FER1L6: variants seen among roughly 807,000 people sequenced by gnomAD.
FER1L6 encodes the protein fer-1 like family member 6.
In FER1L6, 177 loss-of-function variants were observed where a neutral mutation model predicts 219.2. The observed-to-expected ratio is 0.81, with a 90% CI of 0.71 to 0.91. The LOEUF is 0.91. Among genes scored for constraint, FER1L6 ranks in the 40% least tolerant of loss-of-function variants. The pLI is 0.00. For missense variants in FER1L6, 2,153 were observed against 2,259.9 expected, an observed-to-expected ratio of 0.95 and a Z score of 0.96; for synonymous variants, 768 against 824.3, an observed-to-expected ratio of 0.93 and a Z score of 1.17.
chr8:124,060,850 C>A, intron 24 of FER1L6, 141 bp downstream of exon 24: 2 of 979,522 alleles, frequency 2.0e-6, no homozygotes, highest in Non-Finnish European at 2.9e-6. Context: ...ATAAAATAGA[C>A]TTTTGTTGTT....
rs1243271340 is a variant in FER1L6, at chr8:124,085,556, G to T, written c.4391+3098G>T. Among the ~76,000 whole-genome samples, 5 of 150,580 alleles carry T rather than the reference G, an allele frequency of 3.3e-5. No individual in the cohort carries two copies. The East Asian group carries it at 9.7e-4, about 29-fold the overall frequency. ...CCAAAATTCTCTTGTTATCGATTTT[G>T]AGTTTTATTCCATTGTGGCCAGAGA... On this transcript the variant is annotated intron_variant, in intron 33 of 40. Transcript: ENST00000522917.
chr8:123,918,344 G>T (rs907257856), intron 1 of FER1L6, among the ~76,000 whole-genome samples: 1 of 151,126 alleles, frequency 6.6e-6, no homozygotes, highest in Admixed American at 6.6e-5. Context: ...ATACATACTC[G>T]CACTGCATGA....
intron 32 of FER1L6, 81 bp from the exon 33 acceptor site, chr8:124,082,207 G>C (rs924130586): frequency 7.4e-6 from 8 of 1,081,576 alleles, no homozygotes; most frequent in East Asian, 4.8e-5. Flanking sequence ...TGAATAGCGG[G>C]CTAGCTAAAA....
intron 28 of FER1L6, among the ~76,000 whole-genome samples, 157 bp from the exon 29 acceptor site, chr8:124,069,203 T>C (rs1168207676): frequency 6.6e-6 from 1 of 152,220 alleles, no homozygotes; most frequent in Non-Finnish European, 1.5e-5. Flanking sequence ...CCCAAAGTGC[T>C]GGGATTACAG....
intron 31 of FER1L6, 127 bp from the exon 32 acceptor site, chr8:124,076,071 C>A: frequency 2.5e-6 from 3 of 1,193,140 alleles, no homozygotes; most frequent in Non-Finnish European, 3.5e-6. Flanking sequence ...AAAGCCCTGG[C>A]CCGTTAAATC....
intron 6 of FER1L6, among the ~76,000 whole-genome samples, chr8:123,972,213 G>A (rs1230919814): frequency 6.6e-6 from 1 of 152,204 alleles, no homozygotes; most frequent in Non-Finnish European, 1.5e-5. Flanking sequence ...TAGGGAGAGA[G>A]AGTGGAAAGA....
chr8:123,974,680 A>AAAAG (rs1362934333), intron 7 of FER1L6, among the ~76,000 whole-genome samples: 2 of 148,490 alleles, frequency 1.3e-5, no homozygotes, highest in Non-Finnish European at 3.0e-5. Context: ...AAAAAAAAAA[A>AAAAG]AAGAAATGTG....
At chr8:124,086,127 A>C (rs568396276) in intron 33 of FER1L6, among the ~76,000 whole-genome samples, 1 of 149,068 alleles carries the variant, frequency 6.7e-6, no homozygotes, top group Admixed American at 6.7e-5. Flanking sequence ...TTTTGTAGGC[A>C]ACGGAGTATT....
intron 14 of FER1L6, among the ~76,000 whole-genome samples, chr8:124,012,493 T>G (rs1486621609): frequency 6.6e-6 from 1 of 152,262 alleles, no homozygotes; most frequent in African/African-American, 2.4e-5. Context: ...TGGCATATCA[T>G]GGCTAACCAC....
At chr8:124,043,634 T>C (rs1819598803) in intron 20 of FER1L6, among the ~76,000 whole-genome samples, 1 of 152,212 alleles carries the variant, frequency 6.6e-6, no homozygotes, top group African/African-American at 2.4e-5. Context: ...GGCTGATAAA[T>C]GGAAGAGCGT....
intron 40 of FER1L6, among the ~76,000 whole-genome samples, 160 bp from the exon 41 acceptor site, chr8:124,119,447 T>C (rs1823388800): frequency 6.6e-6 from 1 of 152,180 alleles, no homozygotes. Flanking sequence ...CATATAAATG[T>C]CAGGCTGCTC....
At chr8:124,031,927 A>T (rs1818984413) in intron 18 of FER1L6, among the ~76,000 whole-genome samples, 1 of 152,226 alleles carries the variant, frequency 6.6e-6, no homozygotes, top group Middle Eastern at 3.2e-3. Flanking sequence ...ACACTGCATT[A>T]TCTTGCCAGC....
At chr8:123,942,947 G>A (rs1563697769) in intron 1 of FER1L6, among the ~76,000 whole-genome samples, 1 of 152,064 alleles carries the variant, frequency 6.6e-6, no homozygotes, top group Non-Finnish European at 1.5e-5. Context: ...TCAGAATACA[G>A]GTCCCAAAGA....
At chr8:123,870,235 A>G (rs1816903057) in intron 1 of FER1L6, among the ~76,000 whole-genome samples, 1 of 152,352 alleles carries the variant, frequency 6.6e-6, no homozygotes, top group South Asian at 2.1e-4. Flanking sequence ...TTGGAAGACT[A>G]TTTGACAATT....
chr8:124,095,750 G>A lies in FER1L6; in HGVS notation c.4695+712G>A, dbSNP rs1275282767. Among the ~76,000 whole-genome samples, 3 of 152,334 alleles carry A rather than the reference G, an allele frequency of 2.0e-5. No homozygotes were observed. In the East Asian group the frequency reaches 5.8e-4, roughly 29 times the overall value. ...AGCTGGTACAAGGAACACACACCATGATTTTCCTAAACAACGGAGTGACAC... is the reference window on the plus strand; with the variant it reads ...AGCTGGTACAAGGAACACACACCATAATTTTCCTAAACAACGGAGTGACAC... On this transcript the variant is annotated intron_variant, in intron 35 of 40. Transcript: ENST00000522917.
At chr8:124,005,555 C>A (rs773194245) in intron 13 of FER1L6, among the ~76,000 whole-genome samples, 1 of 152,212 alleles carries the variant, frequency 6.6e-6, no homozygotes, top group Non-Finnish European at 1.5e-5. Flanking sequence ...CTCACCTCCC[C>A]CAAGCACTGA....
At chr8:124,000,288 T>G (rs1817344216) in intron 12 of FER1L6, among the ~76,000 whole-genome samples, 1 of 152,212 alleles carries the variant, frequency 6.6e-6, no homozygotes, top group South Asian at 2.1e-4. Flanking sequence ...TTCAAGACTG[T>G]TTTTCCTACC....
intron 1 of FER1L6, among the ~76,000 whole-genome samples, chr8:123,942,365 C>T (rs1350258157): frequency 6.6e-6 from 1 of 152,172 alleles, no homozygotes; most frequent in Non-Finnish European, 1.5e-5. Context: ...GGAGAGGGCC[C>T]AGCATTTCCT....
intron 13 of FER1L6, among the ~76,000 whole-genome samples, chr8:124,005,649 C>A (rs1817624492): frequency 6.6e-6 from 1 of 152,236 alleles, no homozygotes; most frequent in African/African-American, 2.4e-5. Flanking sequence ...ACACACATAT[C>A]TGTTCATCTC....
Sources: gnomAD v4.1 joint callset for allele counts (sites outside exome capture counted in the v4.1 genomes callset) on GRCh38, gnomAD v4.1.1 for gene constraint, MANE v1.5 for transcripts, NCBI Gene and HGNC (gene_info 2026-07-23, HGNC 2026-07-21) for gene names.